The following NEK6 variants were observed in gnomAD, a reference collection of about 807,000 sequenced individuals.
NEK6 encodes the protein serine/threonine-protein kinase Nek6.
NEK6 carries 27 observed loss-of-function variants against 43.5 expected under a neutral mutation model. The ratio of observed to expected loss-of-function variants is 0.62; its 90% CI spans 0.46 to 0.86. NEK6 has a LOEUF of 0.86. NEK6 is among the 40% of genes least tolerant of loss of function. NEK6 has a pLI of 0.00. For synonymous variants in NEK6, 167 were observed against 164.1 expected (o/e 1.02, Z -0.14); for missense variants, 318 against 414.4 (o/e 0.77, Z 2.02).
At chr9:124,292,652 C>G in intron 1 of NEK6, 1 of 1,398,210 alleles carries the variant, frequency 7.2e-7, no homozygotes, top group East Asian at 2.5e-5. Flanking sequence ...GAAATCCATC[C>G]CTTCCCTTAA....
chr9:124,264,453 G>C (rs1831148409), intron 1 of NEK6, among the ~76,000 whole-genome samples: 1 of 152,172 alleles, frequency 6.6e-6, no homozygotes, highest in South Asian at 2.1e-4. Flanking sequence ...ATCTGCCTTA[G>C]AAATTCAACT....
chr9:124,283,214 C>T (rs186397488), intron 1 of NEK6, among the ~76,000 whole-genome samples: 62 of 152,346 alleles, frequency 4.1e-4, no homozygotes, highest in Middle Eastern at 3.4e-3. Context: ...AAACCCTTCC[C>T]GTGCCTAGCC....
At chr9:124,307,222 A>G (rs1390340082) in intron 2 of NEK6, among the ~76,000 whole-genome samples, 3 of 151,658 alleles carry the variant, frequency 2.0e-5, no homozygotes, top group African/African-American at 7.3e-5. Context: ...TTTGTGGCCT[A>G]ATTTGATCTG....
chr9:124,272,981 A>G (rs1488977908), intron 1 of NEK6, among the ~76,000 whole-genome samples: 3 of 152,184 alleles, frequency 2.0e-5, no homozygotes, highest in Admixed American at 1.3e-4. Flanking sequence ...TCAAAGCAGT[A>G]GACTCTCAGC....
At chr9:124,334,011 T>C (rs1327501885) in intron 7 of NEK6, among the ~76,000 whole-genome samples, 1 of 151,884 alleles carries the variant, frequency 6.6e-6, no homozygotes, top group Non-Finnish European at 1.5e-5. Flanking sequence ...TCTCCTGACC[T>C]CGTGATCCAC....
At chr9:124,346,848 G>A (rs1337442385) in intron 8 of NEK6, among the ~76,000 whole-genome samples, 9 of 152,200 alleles carry the variant, frequency 5.9e-5, no homozygotes, top group Non-Finnish European at 8.8e-5. Context: ...GGCTGTGGCC[G>A]GCCTTCAGGG....
intron 1 of NEK6, among the ~76,000 whole-genome samples, chr9:124,290,175 A>T (rs1230785127): frequency 6.6e-6 from 1 of 152,202 alleles, no homozygotes; most frequent in South Asian, 2.1e-4. Context: ...CGTGGAGATG[A>T]TGCTGGGGGC....
At chr9:124,335,842 G>A (rs1441621640) in intron 7 of NEK6, among the ~76,000 whole-genome samples, 1 of 152,236 alleles carries the variant, frequency 6.6e-6, no homozygotes, top group Non-Finnish European at 1.5e-5. Flanking sequence ...GGATGCAGTG[G>A]CTCAGGCCTA....
Position 124,275,047 on chromosome 9 carries a change from G to A in NEK6, c.-30+16962G>A, listed in dbSNP as rs1205578453. 6.6e-6 allele frequency among the ~76,000 whole-genome samples: 1 copy of A among 152,170 alleles called. No individual in the cohort carries two copies. The highest frequency in any genetic ancestry group is 1.5e-5 in the Non-Finnish European group (1 of 68,036). On this transcript the variant is annotated intron_variant, in intron 1 of 9. Coordinates refer to ENST00000320246, the MANE Select transcript of NEK6 (RefSeq NM_014397.6). This position sits in a 1 kb window ranked among gnomAD's most constrained non-coding sequence, Gnocchi z 4.4. The stretch of plus-strand genomic sequence containing the variant: ...GGGGCACGAGCTCTGCTTAGTTCTT[G>A]TGATTAGTTCATCGTGTGCCTCACC...
chr9:124,326,285 C>A lies in NEK6; in HGVS notation c.406-45C>A. 1 of 1,474,782 alleles carries A rather than the reference C, an allele frequency of 6.8e-7. No individual in the cohort carries two copies. Among genetic ancestry groups the A allele is most frequent in the Non-Finnish European group, 9.4e-7 (1 of 1,065,850 alleles). The allele number at this position is 1,474,782 out of a possible 1,614,324, so 91.4% of individuals were successfully genotyped here. On this transcript the variant is annotated intron_variant, in intron 5 of 9. Transcript: ENST00000320246. The surrounding 1 kb of genome is among the most constrained non-coding windows in gnomAD (Gnocchi z 4.5). ...TGCCCTGTGGCCACCCACCTCCAAGCCCGCTCACCCGGGCCTATCCCTCTG... is the reference window on the plus strand; with the variant it reads ...TGCCCTGTGGCCACCCACCTCCAAGACCGCTCACCCGGGCCTATCCCTCTG...
At chr9:124,258,442 G>C (rs992392105) in intron 1 of NEK6, 18 of 722,690 alleles carry the variant, frequency 2.5e-5, no homozygotes, top group Admixed American at 6.3e-5. Context: ...AGTGTGCCGG[G>C]CGCCGCAGGG....
intron 8 of NEK6, among the ~76,000 whole-genome samples, chr9:124,339,943 C>T (rs956023710): frequency 1.3e-5 from 2 of 152,090 alleles, no homozygotes; most frequent in East Asian, 1.9e-4. Flanking sequence ...ATCTGATCCC[C>T]AGCTGCCCCT....
At chr9:124,315,863 C>T (rs1165408232) in intron 4 of NEK6, among the ~76,000 whole-genome samples, 1 of 152,256 alleles carries the variant, frequency 6.6e-6, no homozygotes, top group Non-Finnish European at 1.5e-5. Flanking sequence ...AGCTGTGTGG[C>T]TGCAGGCCAG....
At chr9:124,297,113 C>T (rs540216464) in intron 1 of NEK6, among the ~76,000 whole-genome samples, 2 of 152,194 alleles carry the variant, frequency 1.3e-5, no homozygotes, top group Non-Finnish European at 2.9e-5. Context: ...GGCCATGCTG[C>T]GTAGGACATA....
At chr9:124,307,808 G>A (rs895984445) in intron 2 of NEK6, among the ~76,000 whole-genome samples, 1 of 152,164 alleles carries the variant, frequency 6.6e-6, no homozygotes, top group African/African-American at 2.4e-5. Context: ...CTGCCCACAG[G>A]TGCACGTCGT....
intron 1 of NEK6, among the ~76,000 whole-genome samples, chr9:124,269,541 T>C (rs911767102): frequency 1.3e-5 from 2 of 151,168 alleles, no homozygotes; most frequent in African/African-American, 4.9e-5. Flanking sequence ...GCCCGGCTAA[T>C]TTTTTTTTGT....
At position 124,326,449 on chromosome 9, in the gene NEK6, CCCGCCAGGAG is replaced by C. The variant is rs151018846; in HGVS notation, c.514+17_514+26del. ...GGGTGATGCACCGAGGTACGTGCCA[CCCGCCAGGAG>C]CCGCCCGGAGCCACCTGGAGCCCAG... is the stretch of plus-strand genomic sequence containing the variant. On this transcript the variant is annotated intron_variant, in intron 6 of 9. Transcript: ENST00000320246. The surrounding 1 kb of genome is among the most constrained non-coding windows in gnomAD (Gnocchi z 4.5). The C allele has an allele frequency of 0.095, 151,361 of 1,600,124 alleles. 11,759 individuals carry two copies. The highest frequency in any genetic ancestry group is 0.43 in the East Asian group (19,385 of 44,744).
At chr9:124,281,118 TTTTC>T (rs1237007714) in intron 1 of NEK6, among the ~76,000 whole-genome samples, 1 of 152,240 alleles carries the variant, frequency 6.6e-6, no homozygotes, top group Admixed American at 6.5e-5. Flanking sequence ...TTCGCTTGTG[TTTTC>T]TTTTCTTCCT....
chr9:124,269,832 T>C (rs1831364051), intron 1 of NEK6, among the ~76,000 whole-genome samples: 1 of 152,126 alleles, frequency 6.6e-6, no homozygotes, highest in African/African-American at 2.4e-5. Context: ...TAAGGGAGTT[T>C]ACTGCAGACT....
Sources: allele counts gnomAD v4.1 joint callset (sites outside exome capture counted in the v4.1 genomes callset), GRCh38; gene constraint gnomAD v4.1.1; non-coding constraint Gnocchi (gnomAD v3.1); transcripts MANE v1.5; gene names NCBI Gene and HGNC (gene_info 2026-07-23, HGNC 2026-07-21).